Variants in CADPS observed in about 807,000 individuals in gnomAD.
CADPS encodes the protein calcium-dependent secretion activator 1.
A neutral mutation model predicts 167.3 loss-of-function variants in CADPS; 57 were observed. The observed-to-expected ratio is 0.34, with a 90% confidence interval of 0.28 to 0.42. The LOEUF is 0.42. Ranked by LOEUF, CADPS falls within the 20% of genes least tolerant of loss-of-function variation. The pLI is 1.00. For missense variants in CADPS, 1,414 were observed against 1,738.1 expected, an observed-to-expected ratio of 0.81 and a Z score of 3.32; for synonymous variants, 676 against 635.3, an observed-to-expected ratio of 1.06 and a Z score of -0.96.
chr3:62,611,493 T>G (rs1182542791), intron 6 of CADPS, among the ~76,000 whole-genome samples: 1 of 152,200 alleles, frequency 6.6e-6, no homozygotes, highest in Non-Finnish European at 1.5e-5. Flanking sequence ...TCCTTTAAAA[T>G]GTAAGTCAGC....
At chr3:62,657,418 A>T (rs1159500213) in intron 4 of CADPS, among the ~76,000 whole-genome samples, 1 of 152,182 alleles carries the variant, frequency 6.6e-6, no homozygotes, top group East Asian at 1.9e-4. Context: ...AAATTCGGCC[A>T]AAAGAACTGG....
chr3:62,660,701 C>T (rs566229094), intron 4 of CADPS, among the ~76,000 whole-genome samples: 1 of 152,190 alleles, frequency 6.6e-6, no homozygotes, highest in Non-Finnish European at 1.5e-5. Flanking sequence ...TAACCCCCAC[C>T]CTCATATGCC....
At chr3:62,432,394 C>T (rs2149641395) in intron 28 of CADPS, among the ~76,000 whole-genome samples, 1 of 152,276 alleles carries the variant, frequency 6.6e-6, no homozygotes, top group Middle Eastern at 3.4e-3. Context: ...CAAAGCCCCA[C>T]TCCTGACCAT....
chr3:62,405,487 G>A (rs542100137), intron 28 of CADPS, among the ~76,000 whole-genome samples: 5 of 149,786 alleles, frequency 3.3e-5, no homozygotes, highest in East Asian at 3.9e-4. Flanking sequence ...ACCCCCTGCC[G>A]CCCCTCCATT....
chr3:62,475,229 G>T (rs1436714483), intron 23 of CADPS, among the ~76,000 whole-genome samples: 1 of 152,152 alleles, frequency 6.6e-6, no homozygotes, highest in Non-Finnish European at 1.5e-5. Flanking sequence ...ACAGGTGGGA[G>T]ATCTTATCCT....
At chr3:62,480,142 A>G (rs971926399) in intron 22 of CADPS, among the ~76,000 whole-genome samples, 1 of 152,108 alleles carries the variant, frequency 6.6e-6, no homozygotes, top group Non-Finnish European at 1.5e-5. Context: ...ATAAACTGTT[A>G]ATGTTAAGGC....
At chr3:62,654,232 G>C (rs538394568) in intron 4 of CADPS, among the ~76,000 whole-genome samples, 2 of 152,218 alleles carry the variant, frequency 1.3e-5, no homozygotes, top group Non-Finnish European at 2.9e-5. Context: ...ATGGTACAGA[G>C]TTAGGCACTA....
chr3:62,442,997 G>C lies in CADPS; in HGVS notation c.3669+2768C>G, dbSNP rs917674270. Among the ~76,000 whole-genome samples, 4 of 152,056 alleles carry C rather than the reference G, an allele frequency of 2.6e-5. 1 individual carries two copies. Among genetic ancestry groups the C allele is most frequent in the African/African-American group, 7.2e-5 (3 of 41,404 alleles). ...TAAAAGGTTTACTATAATATTATTA[G>C]CTATTAAAGCGTATGTTAATCAACT... On this transcript the variant is annotated intron_variant, in intron 27 of 29. Transcript: ENST00000383710.
intron 28 of CADPS, among the ~76,000 whole-genome samples, chr3:62,426,441 G>A (rs1352296069): frequency 2.6e-5 from 4 of 152,228 alleles, no homozygotes; most frequent in Non-Finnish European, 5.9e-5. Context: ...GAGCCACCGC[G>A]CCCGGCCGTG....
At chr3:62,751,610 A>G (rs2082718280) in intron 3 of CADPS, among the ~76,000 whole-genome samples, 1 of 151,978 alleles carries the variant, frequency 6.6e-6, no homozygotes, top group South Asian at 2.1e-4. Context: ...TTTAGTAGAG[A>G]CAGTTTCACC....
intron 1 of CADPS, among the ~76,000 whole-genome samples, chr3:62,796,804 G>GA (rs1240089389): frequency 1.3e-5 from 2 of 152,028 alleles, no homozygotes; most frequent in African/African-American, 2.4e-5. Flanking sequence ...CTGCAGAGAG[G>GA]AAAAAAATTG....
At position 62,438,196 on chromosome 3, in the gene CADPS, C is replaced by A. The variant is rs771045473; in HGVS notation, c.3685G>T (p.Val1229Leu). The change falls in exon 28 of 30, where the codon GTG (valine) becomes TTG (leucine). Residue 1229 changes from valine to leucine, a missense_variant. Coordinates refer to ENST00000383710, the MANE Select transcript of CADPS (RefSeq NM_003716.4). This position sits in a 1 kb window ranked among gnomAD's most constrained non-coding sequence, Gnocchi z 4.7. ...YVDVPKPGMD[V>L]ADAYVTFVRH... ...ACGAAAGTCACGTAGGCGTCGGCCA[C>A]GTCCATCCCGGGTTTCTGTAAAGAA... is the stretch of plus-strand genomic sequence containing the variant. 5.1e-5 allele frequency: 83 copies of A among 1,613,250 alleles called. 1 individual carries two copies. The East Asian group carries it at 9.6e-4, about 19-fold the overall frequency.
Position 62,807,552 on chromosome 3 carries a change from G to A in CADPS, c.442-41568C>T, listed in dbSNP as rs550711536. On this transcript the variant is annotated intron_variant, in intron 1 of 29. Transcript: ENST00000383710. ...GCTGGGATTACAGGTATGAGCCACC[G>A]AGCCTGGCCATGATTCTTCAATCAA... 2.5e-4 allele frequency among the ~76,000 whole-genome samples: 38 copies of A among 152,116 alleles called. No homozygotes were observed. The East Asian group carries it at 4.1e-3, about 16-fold the overall frequency.
At chr3:62,479,816 G>C (rs1470623946) in intron 22 of CADPS, among the ~76,000 whole-genome samples, 1 of 152,220 alleles carries the variant, frequency 6.6e-6, no homozygotes, top group African/African-American at 2.4e-5. Context: ...TTCAGATACT[G>C]CCGTGAGCAT....
intron 11 of CADPS, among the ~76,000 whole-genome samples, chr3:62,537,492 TA>T (rs1168163971): frequency 1.3e-5 from 2 of 152,150 alleles, no homozygotes; most frequent in Non-Finnish European, 2.9e-5. Flanking sequence ...TGCTCTCCAT[TA>T]AAGAAATTGG....
chr3:62,802,164 C>G (rs2152811237), intron 1 of CADPS, among the ~76,000 whole-genome samples: 1 of 152,262 alleles, frequency 6.6e-6, no homozygotes, highest in East Asian at 1.9e-4. Flanking sequence ...CAAATTTTGA[C>G]TATAACCTAG....
intron 2 of CADPS, among the ~76,000 whole-genome samples, chr3:62,764,764 C>A (rs1011301497): frequency 6.6e-6 from 1 of 152,100 alleles, no homozygotes; most frequent in Non-Finnish European, 1.5e-5. Context: ...AGAGCACCAG[C>A]AAAGCAGGCA....
chr3:62,863,408 C>T (rs1375754852), intron 1 of CADPS, among the ~76,000 whole-genome samples: 1 of 152,074 alleles, frequency 6.6e-6, no homozygotes, highest in African/African-American at 2.4e-5. Context: ...ATATATAGAA[C>T]AGTGACTACA....
At chr3:62,762,043 A>G (rs1426433172) in intron 2 of CADPS, among the ~76,000 whole-genome samples, 3 of 152,144 alleles carry the variant, frequency 2.0e-5, no homozygotes, top group African/African-American at 7.2e-5. Context: ...AGGCCTCACC[A>G]ACTTGTTGTT....
Sources: gnomAD v4.1 joint callset for allele counts (sites outside exome capture counted in the v4.1 genomes callset) on GRCh38, gnomAD v4.1.1 for gene constraint, Gnocchi (gnomAD v3.1) non-coding constraint, MANE v1.5 for transcripts, NCBI Gene and HGNC (gene_info 2026-07-23, HGNC 2026-07-21) for gene names.